FAM220A: variants seen among roughly 807,000 people sequenced by gnomAD.
The protein encoded by FAM220A is protein FAM220A.
For missense variants in FAM220A, 392 were observed against 321.6 expected (o/e 1.22, Z -1.68); for synonymous variants, 141 against 130.7 (o/e 1.08, Z -0.54).
At chr7:6,341,715 G>A (rs188797384) in intron 1 of FAM220A, among the ~76,000 whole-genome samples, 179 of 150,034 alleles carry the variant, frequency 1.2e-3, no homozygotes, top group Non-Finnish European at 1.2e-3. Flanking sequence ...TTATGAGTGC[G>A]CGCCAGGTGC....
intron 1 of FAM220A, among the ~76,000 whole-genome samples, chr7:6,344,332 A>C (rs954526611): frequency 2.0e-5 from 3 of 152,166 alleles, no homozygotes; most frequent in Non-Finnish European, 4.4e-5. Flanking sequence ...GGTAAATATC[A>C]AGGCCAAGAA....
At chr7:6,343,292 G>A (rs150235656) in intron 1 of FAM220A, among the ~76,000 whole-genome samples, 3,411 of 150,424 alleles carry the variant, frequency 0.023, 65 homozygotes, top group Middle Eastern at 0.055. Context: ...CAGGAGAATC[G>A]CTTGAACCTG....
chr7:6,344,625 C>T (rs1322092215), intron 1 of FAM220A, among the ~76,000 whole-genome samples: 1 of 152,110 alleles, frequency 6.6e-6, no homozygotes, highest in African/African-American at 2.4e-5. Context: ...CGCCCTGTTG[C>T]CCAGGCTGGT....
At position 6,343,397 on chromosome 7, in the gene FAM220A, C is replaced by CATATAT. The variant is rs10529573; in HGVS notation, c.-82+5170_-82+5175dup. On this transcript the variant is annotated intron_variant, in intron 1 of 1. Transcript: ENST00000313324. ...CGTCTCAAAAAAATAATAATAATTTCATATATATATATATATATATATATA... is the reference window on the plus strand; with the variant it reads ...CGTCTCAAAAAAATAATAATAATTTCATATATATATATATATATATATATATATATA... 6.6e-4 allele frequency among the ~76,000 whole-genome samples: 57 copies of CATATAT among 86,970 alleles called. 1 individual carries two copies. The highest frequency in any genetic ancestry group is 7.6e-3 in the Middle Eastern group (1 of 132). 57.1% of individuals were successfully genotyped at this position (86,970 alleles called of 152,430 possible).
chr7:6,342,688 A>AAAAGTG (rs1410013534), intron 1 of FAM220A, among the ~76,000 whole-genome samples: 1 of 152,186 alleles, frequency 6.6e-6, no homozygotes, highest in Non-Finnish European at 1.5e-5. Context: ...ACAATAGCCA[A>AAAAGTG]AAAGTGAAAG....
intron 1 of FAM220A, among the ~76,000 whole-genome samples, chr7:6,345,959 G>T (rs996661701): frequency 1.3e-5 from 2 of 151,900 alleles, no homozygotes; most frequent in Non-Finnish European, 2.9e-5. Context: ...AGTAGAGATG[G>T]GGTTTTGCCA....
intron 1 of FAM220A, among the ~76,000 whole-genome samples, chr7:6,334,817 G>T (rs1315656204): frequency 1.3e-5 from 2 of 151,074 alleles, no homozygotes; most frequent in African/African-American, 4.9e-5. Context: ...TACCCAGGCT[G>T]GAGTACAATG....
At chr7:6,347,243 T>C (rs1481711143) in intron 1 of FAM220A, among the ~76,000 whole-genome samples, 2 of 152,162 alleles carry the variant, frequency 1.3e-5, no homozygotes, top group East Asian at 1.9e-4. Context: ...GGCTGGGCGC[T>C]GTGGCTGACG....
chr7:6,336,938 G>A lies in FAM220A; in HGVS notation c.-81-5703C>T, dbSNP rs564793841. On this transcript the variant is annotated intron_variant, in intron 1 of 1. Coordinates refer to ENST00000313324, the MANE Select transcript of FAM220A (RefSeq NM_001037163.2). ...CAAAGTGCTGGAATTACAGGCGTGA[G>A]CCACCATGGCTGGCCATATTCTTTC... is the stretch of plus-strand genomic sequence containing the variant. Among the ~76,000 whole-genome samples the A allele has an allele frequency of 5.9e-5, 9 of 152,274 alleles. No homozygotes were observed. The East Asian group carries it at 1.4e-3, about 23-fold the overall frequency.
chr7:6,345,174 G>C (rs375268019), intron 1 of FAM220A, among the ~76,000 whole-genome samples: 2 of 151,866 alleles, frequency 1.3e-5, no homozygotes, highest in South Asian at 2.1e-4. Flanking sequence ...CTGGTGTGCA[G>C]CATCATGATC....
chr7:6,336,526 C>T (rs2115135043), intron 1 of FAM220A, among the ~76,000 whole-genome samples: 1 of 151,948 alleles, frequency 6.6e-6, no homozygotes. Flanking sequence ...ACTAAAAATA[C>T]AAAAATTAGC....
chr7:6,330,687 T>G lies in FAM220A; in HGVS notation c.468A>C (p.Pro156=). The G allele has an allele frequency of 1.2e-6, 2 of 1,614,094 alleles. No homozygotes were observed. Among genetic ancestry groups the G allele is most frequent in the Non-Finnish European group, 1.7e-6 (2 of 1,180,004 alleles). ...PKGEPRVSRL[P]RHQKVPEMGS... The stretch of plus-strand genomic sequence containing the variant: ...CCATTTCCGGCACTTTTTGATGGCG[T>G]GGCAGTCGTGACACCCGAGGCTCTC... Residue 156 remains proline, a synonymous_variant, in exon 2 of 2, where the codon CCA becomes CCC. Transcript: ENST00000313324.
intron 1 of FAM220A, among the ~76,000 whole-genome samples, chr7:6,347,917 T>TTAG: frequency 6.8e-6 from 1 of 147,192 alleles, no homozygotes; most frequent in African/African-American, 2.5e-5. Context: ...ATTATTATTA[T>TTAG]TATTATTATT....
intron 1 of FAM220A, among the ~76,000 whole-genome samples, chr7:6,346,175 T>G (rs1431636500): frequency 1.3e-5 from 2 of 152,042 alleles, no homozygotes; most frequent in African/African-American, 2.4e-5. Context: ...TTTTCGAAGG[T>G]GGTAACTGGG....
Position 6,331,046 on chromosome 7 carries a change from C to G in FAM220A, c.109G>C (p.Gly37Arg). Reference sequence around the variant, plus strand: ...GAGGGTGCATCTGCAGGCCAAGGGCCCTCCGGCATTCTTTTCTTAAGGCTG... The same window carrying G: ...GAGGGTGCATCTGCAGGCCAAGGGCGCTCCGGCATTCTTTTCTTAAGGCTG... ...SCSLKKRMPEGPWPADAPSWM... is the reference protein window; with the variant it reads ...SCSLKKRMPERPWPADAPSWM... Residue 37 changes from glycine (G) to arginine (R), a missense_variant, in exon 2 of 2, where the codon GGC (glycine) becomes CGC (arginine). By Grantham distance (125) the Gly-to-Arg change is moderately radical (BLOSUM62 -2). Transcript: ENST00000313324. 1 of 1,613,924 alleles carries G rather than the reference C, an allele frequency of 6.2e-7. No individual in the cohort carries two copies. Among genetic ancestry groups the G allele is most frequent in the African/African-American group, 1.3e-5 (1 of 75,052 alleles).
chr7:6,331,518 C>T (rs942715444), intron 1 of FAM220A, among the ~76,000 whole-genome samples: 3 of 151,548 alleles, frequency 2.0e-5, no homozygotes, highest in East Asian at 2.0e-4. Flanking sequence ...CCACGCTGGG[C>T]GACCAGTTGC....
chr7:6,348,610 T>C lies in FAM220A; in HGVS notation c.-119A>G, dbSNP rs999682883. 2 of 473,476 alleles carry C rather than the reference T, an allele frequency of 4.2e-6. No individual in the cohort carries two copies. Among genetic ancestry groups the C allele is most frequent in the African/African-American group, 2.0e-5 (1 of 49,898 alleles). 29.3% of individuals were successfully genotyped at this position (473,476 alleles called of 1,614,324 possible). ...GTTGAGCATCATGGAAGCCACGATGTAGAGGTAGGGGAAGTTGATACGCAG... is the reference window on the plus strand; with the variant it reads ...GTTGAGCATCATGGAAGCCACGATGCAGAGGTAGGGGAAGTTGATACGCAG... On this transcript the variant is annotated 5_prime_UTR_variant, in exon 1 of 2. Transcript: ENST00000313324.
At chr7:6,333,870 G>C (rs1781690660) in intron 1 of FAM220A, among the ~76,000 whole-genome samples, 1 of 128,606 alleles carries the variant, frequency 7.8e-6, no homozygotes, top group South Asian at 2.6e-4. Flanking sequence ...TTGAGACAGA[G>C]TCTTGCTCTT....
intron 1 of FAM220A, among the ~76,000 whole-genome samples, chr7:6,339,940 A>T (rs1288388601): frequency 6.6e-6 from 1 of 151,872 alleles, no homozygotes; most frequent in Non-Finnish European, 1.5e-5. Flanking sequence ...GCTGGAGTGC[A>T]GCTGCATGAT....
Sources: allele counts gnomAD v4.1 joint callset (sites outside exome capture counted in the v4.1 genomes callset), GRCh38; gene constraint gnomAD v4.1.1; transcripts MANE v1.5; gene names NCBI Gene and HGNC (gene_info 2026-07-23, HGNC 2026-07-21).